Variants in CCDC148 observed in about 807,000 individuals in gnomAD.
CCDC148 encodes coiled-coil domain-containing protein 148.
CCDC148 carries 89 observed loss-of-function variants against 85.7 expected under a neutral mutation model. The ratio of observed to expected loss-of-function variants is 1.04; its 90% CI spans 0.87 to 1.24. The LOEUF (loss-of-function observed/expected upper bound fraction) is 1.24, where lower values mean the gene tolerates loss of function less well. Among genes scored for constraint, CCDC148 ranks in the 50% most tolerant of loss-of-function variants. CCDC148 has a pLI of 0.00. For synonymous variants in CCDC148, 230 were observed against 213.9 expected, an observed-to-expected ratio of 1.08 and a Z score of -0.66; for missense variants, 692 against 671.7, an observed-to-expected ratio of 1.03 and a Z score of -0.33.
intron 7 of CCDC148, 143 bp from the exon 8 acceptor site, chr2:158,314,037 G>T (rs1163361401): frequency 5.7e-6 from 4 of 701,172 alleles, no homozygotes; most frequent in Non-Finnish European, 8.7e-6. Context: ...CAAATTTAAT[G>T]TCTGTTTCAG....
At chr2:158,451,704 A>C (rs901813895) in intron 1 of CCDC148, among the ~76,000 whole-genome samples, 1 of 151,412 alleles carries the variant, frequency 6.6e-6, no homozygotes, top group Non-Finnish European at 1.5e-5. Context: ...GGGGATAGAG[A>C]CACCGCACTA....
rs568875580 is a variant in CCDC148, at chr2:158,270,356, T to A, written c.1111-19444A>T. ...GGGTATTACTCTGCACAAGGATTCA[T>A]GCCAGGGCTGGAGAGATGACACAAG... On this transcript the variant is annotated intron_variant, in intron 9 of 13. Transcript: ENST00000283233. 1.2e-4 allele frequency among the ~76,000 whole-genome samples: 19 copies of A among 152,302 alleles called. No homozygotes were observed. The East Asian group carries it at 3.5e-3, about 28-fold the overall frequency.
At chr2:158,282,014 A>C (rs542339993) in intron 9 of CCDC148, among the ~76,000 whole-genome samples, 99 of 151,962 alleles carry the variant, frequency 6.5e-4, no homozygotes, top group East Asian at 3.9e-3. Flanking sequence ...TAAACAGAAC[A>C]AAAGACAAAA....
intron 1 of CCDC148, among the ~76,000 whole-genome samples, chr2:158,431,843 C>T (rs1687367765): frequency 6.6e-6 from 1 of 151,812 alleles, no homozygotes; most frequent in African/African-American, 2.4e-5. Flanking sequence ...GTGGCTGAGG[C>T]ACAAGGATAG....
At chr2:158,320,314 G>A (rs916266308) in intron 7 of CCDC148, among the ~76,000 whole-genome samples, 1 of 152,094 alleles carries the variant, frequency 6.6e-6, no homozygotes, top group African/African-American at 2.4e-5. Flanking sequence ...TTAGATATTA[G>A]CAATGTTCAA....
At position 158,431,947 on chromosome 2, in the gene CCDC148, T is replaced by C. The variant is rs1180844559; in HGVS notation, c.25+24468A>G. On this transcript the variant is annotated intron_variant, in intron 1 of 13. Coordinates refer to ENST00000283233, the MANE Select transcript of CCDC148 (RefSeq NM_138803.4). ...GCAAGAAAAAAAAAATGATACCAGA[T>C]GGAAAAAATATGTAGCACTGTTTAC... 2.0e-5 allele frequency among the ~76,000 whole-genome samples: 3 copies of C among 151,460 alleles called. No individual in the cohort carries two copies. In the East Asian group the frequency reaches 5.8e-4, roughly 29 times the overall value.
chr2:158,287,947 A>T (rs1690706246), intron 9 of CCDC148, among the ~76,000 whole-genome samples: 1 of 152,138 alleles, frequency 6.6e-6, no homozygotes, highest in Non-Finnish European at 1.5e-5. Flanking sequence ...GTCTTTCCAT[A>T]CATCTTCTGG....
chr2:158,353,819 A>T (rs1196405786), intron 2 of CCDC148, among the ~76,000 whole-genome samples: 1 of 152,156 alleles, frequency 6.6e-6, no homozygotes, highest in East Asian at 1.9e-4. Flanking sequence ...TTGACCATAT[A>T]GTTGGAAGTA....
chr2:158,440,078 T>C (rs1351979520), intron 1 of CCDC148, among the ~76,000 whole-genome samples: 4 of 152,032 alleles, frequency 2.6e-5, no homozygotes, highest in African/African-American at 9.7e-5. Flanking sequence ...TATGTTGCCC[T>C]GGCTGGTCTT....
rs1264888768 is a variant in CCDC148, at chr2:158,215,153, G to C, written c.1370+5442C>G. Among the ~76,000 whole-genome samples, 3 of 152,162 alleles carry C rather than the reference G, an allele frequency of 2.0e-5. No individual in the cohort carries two copies. In the East Asian group the frequency reaches 5.8e-4, roughly 29 times the overall value. On this transcript the variant is annotated intron_variant, in intron 11 of 13. Coordinates refer to ENST00000283233, the MANE Select transcript of CCDC148 (RefSeq NM_138803.4). ...AGAAATGTAACATATAACAAAGGTG[G>C]CATTTTAAATCAGTGGGTAAAGATG...
rs1397381627 is a variant in CCDC148, at chr2:158,176,655, C to T, written c.1495G>A (p.Val499Ile). ...RLEALRKQVA[V>I]VAQFDPVRMM... Reference sequence around the variant, plus strand: ...CTAACAGGATCAAATTGAGCAACAACAGCAACCTAAAAATGAGAAAGCATG... The same window carrying T: ...CTAACAGGATCAAATTGAGCAACAATAGCAACCTAAAAATGAGAAAGCATG... Residue 499 changes from valine (V) to isoleucine (I), a missense_variant, in exon 13 of 14, where the codon GTT (valine) becomes ATT (isoleucine). Physicochemically the swap from Val to Ile is conservative, Grantham distance 29. Transcript: ENST00000283233. 2 of 1,611,654 alleles carry T rather than the reference C, an allele frequency of 1.2e-6. No individual in the cohort carries two copies. Among genetic ancestry groups the T allele is most frequent in the East Asian group, 2.2e-5 (1 of 44,534 alleles).
intron 1 of CCDC148, among the ~76,000 whole-genome samples, chr2:158,438,618 G>A (rs959928382): frequency 2.0e-5 from 3 of 152,080 alleles, no homozygotes; most frequent in African/African-American, 7.2e-5. Context: ...AGCCAAAATT[G>A]ACAAATGGGA....
At chr2:158,316,101 G>A (rs954229922) in intron 7 of CCDC148, among the ~76,000 whole-genome samples, 3 of 152,048 alleles carry the variant, frequency 2.0e-5, no homozygotes, top group East Asian at 3.8e-4. Context: ...AATCTTACCC[G>A]TAATTTTCAA....
intron 10 of CCDC148, among the ~76,000 whole-genome samples, chr2:158,247,855 C>CA (rs906026482): frequency 2.6e-5 from 4 of 151,480 alleles, no homozygotes; most frequent in East Asian, 1.9e-4. Context: ...GACTCTGTCT[C>CA]AAAAAAACAG....
intron 11 of CCDC148, among the ~76,000 whole-genome samples, chr2:158,191,262 T>G (rs1348635135): frequency 1.3e-5 from 2 of 152,024 alleles, no homozygotes; most frequent in East Asian, 3.8e-4. Flanking sequence ...AAAATCCCCA[T>G]TACATTCTCT....
intron 1 of CCDC148, among the ~76,000 whole-genome samples, chr2:158,410,684 T>C (rs1248868764): frequency 1.3e-5 from 2 of 152,210 alleles, no homozygotes; most frequent in East Asian, 3.8e-4. Flanking sequence ...TTACTTCTTT[T>C]TGTATTGTGT....
At chr2:158,313,375 C>A (rs73968914) in intron 8 of CCDC148, among the ~76,000 whole-genome samples, 7,073 of 152,264 alleles carry the variant, frequency 0.046, 256 homozygotes, top group East Asian at 0.14. Flanking sequence ...AGAGCAGGCT[C>A]TGTGAATGGT....
intron 2 of CCDC148, among the ~76,000 whole-genome samples, chr2:158,350,650 T>A (rs557521147): frequency 3.9e-5 from 6 of 152,180 alleles, no homozygotes; most frequent in African/African-American, 7.2e-5. Flanking sequence ...ATTGGATACA[T>A]CTCAAATATC....
chr2:158,340,822 G>T (rs1574652332), intron 3 of CCDC148, 142 bp from the exon 4 acceptor site: 1 of 607,716 alleles, frequency 1.6e-6, no homozygotes, highest in South Asian at 2.2e-5. Flanking sequence ...AACATGGCTT[G>T]AGTCTTTACT....
Sources: gnomAD v4.1 joint callset for allele counts (sites outside exome capture counted in the v4.1 genomes callset) on GRCh38, gnomAD v4.1.1 for gene constraint, MANE v1.5 for transcripts, NCBI Gene and HGNC (gene_info 2026-07-23, HGNC 2026-07-21) for gene names.